Variants in ZNF280A observed in about 807,000 individuals in gnomAD.
The protein encoded by ZNF280A is suppressor of hairy wing homolog 1.
In ZNF280A, 26 loss-of-function variants were observed where a neutral mutation model predicts 35.9. That is an observed-to-expected ratio of 0.72 (90% CI 0.53 to 1.01). ZNF280A has a LOEUF of 1.01. Ranked by LOEUF, ZNF280A falls within the 50% of genes least tolerant of loss-of-function variation. The probability of loss-of-function intolerance (pLI) is 0.00; values close to 1 mark genes in which losing one functional copy is unlikely to be tolerated. For synonymous variants in ZNF280A, 231 were observed against 232.9 expected (o/e 0.99, Z 0.07); for missense variants, 654 against 652.0 (o/e 1.00, Z -0.03).
chr22:22,517,559 C>G (rs1272843392), intron 1 of ZNF280A, among the ~76,000 whole-genome samples: 1 of 151,854 alleles, frequency 6.6e-6, no homozygotes, highest in East Asian at 2.0e-4. Flanking sequence ...AAAGTTTTGT[C>G]AAATACTCTA....
At position 22,513,945 on chromosome 22, in the gene ZNF280A, T is replaced by C; in HGVS notation, c.*57A>G. ...CTAGCATCTACAGCCACAATGCACA[T>C]ATGGCCTAGCCTCACTTCTGCCTTT... On this transcript the variant is annotated 3_prime_UTR_variant, in exon 2 of 2. Coordinates refer to ENST00000302097, the MANE Select transcript of ZNF280A (RefSeq NM_080740.5). 3 of 995,646 alleles carry C rather than the reference T, an allele frequency of 3.0e-6. No homozygotes were observed. The highest frequency in any genetic ancestry group is 2.4e-5 in the East Asian group (1 of 41,816). The allele number at this position is 995,646 out of a possible 1,614,324, so 61.7% of individuals were successfully genotyped here.
intron 1 of ZNF280A, among the ~76,000 whole-genome samples, chr22:22,516,197 C>T (rs1042254196): frequency 6.6e-6 from 1 of 151,792 alleles, no homozygotes; most frequent in African/African-American, 2.4e-5. Flanking sequence ...AAGAGGAACA[C>T]TTGAGCCCAG....
At chr22:22,520,015 G>A (rs1569197967) in intron 1 of ZNF280A, 74 bp downstream of exon 1, 1 of 152,022 alleles carries the variant, frequency 6.6e-6, no homozygotes, top group Non-Finnish European at 1.5e-5. Context: ...TTGCCATCTA[G>A]TCTTTCACAG....
At position 22,514,877 on chromosome 22, in the gene ZNF280A, T is replaced by C. The variant is rs764079539; in HGVS notation, c.754A>G (p.Met252Val). 1.7e-5 allele frequency: 28 copies of C among 1,613,664 alleles called. No individual in the cohort carries two copies. Among genetic ancestry groups the C allele is most frequent in the Non-Finnish European group, 1.7e-6 (2 of 1,179,910 alleles). The part of the protein sequence containing the change: ...PERASESALA[M>V]TDISSLASQN... ...CTTGCTAGACTTGAAATGTCTGTCA[T>C]TGCCAGGGCAGACTCACTTGCTCTC... Residue 252 changes from methionine to valine, a missense_variant, in exon 2 of 2, where the codon ATG (methionine) becomes GTG (valine). Coordinates refer to ENST00000302097, the MANE Select transcript of ZNF280A (RefSeq NM_080740.5).
Position 22,515,719 on chromosome 22 carries a change from A to G in ZNF280A, c.-71-18T>C. The G allele has an allele frequency of 6.6e-7, 1 of 1,504,052 alleles. No individual in the cohort carries two copies. 93.2% of individuals were successfully genotyped at this position (1,504,052 alleles called of 1,614,324 possible). On this transcript the variant is annotated intron_variant, in intron 1 of 1. Coordinates refer to ENST00000302097, the MANE Select transcript of ZNF280A (RefSeq NM_080740.5). ...ATTGCCACCTAAGTGCAACCATGTG[A>G]CAATAGTCAATATTTATTTCGAAAG...
Position 22,514,219 on chromosome 22 carries a change from GTT to G in ZNF280A, c.1410_1411del (p.Lys470AsnfsTer8). On this transcript the variant is annotated frameshift_variant, in exon 2 of 2. Transcript: ENST00000302097. LOFTEE classifies it high-confidence loss of function. ...CTTTTTAAATGTTTGATGGTCCTTGGTTTTGTGCTCTATTTCCTCCTTCAACG... is the reference window on the plus strand; with the variant it reads ...CTTTTTAAATGTTTGATGGTCCTTGGTTGTGCTCTATTTCCTCCTTCAACG... 2.5e-6 allele frequency: 4 copies of G among 1,613,738 alleles called. No individual in the cohort carries two copies. The highest frequency in any genetic ancestry group is 3.4e-6 in the Non-Finnish European group (4 of 1,179,936).
At position 22,514,512 on chromosome 22, in the gene ZNF280A, A is replaced by C. The variant is rs557783348; in HGVS notation, c.1119T>G (p.Phe373Leu). Residue 373 changes from phenylalanine (F) to leucine (L), a missense_variant, in exon 2 of 2, where the codon TTT (phenylalanine) becomes TTG (leucine). Transcript: ENST00000302097. The part of the protein sequence containing the change: ...SAVCKICELS[F>L]ETDQVLLQHM... Reference sequence around the variant, plus strand: ...GTTGTAAGAGGACCTGATCTGTTTCAAATGACAATTCACAGATTTTACAGA... The same window carrying C: ...GTTGTAAGAGGACCTGATCTGTTTCCAATGACAATTCACAGATTTTACAGA... 1 of 1,613,952 alleles carries C rather than the reference A, an allele frequency of 6.2e-7. No homozygotes were observed. The highest frequency in any genetic ancestry group is 2.2e-5 in the East Asian group (1 of 44,794).
rs778145899 is a variant in ZNF280A at position 22,515,447 on chromosome 22, T to C, written c.184A>G (p.Ile62Val). Residue 62 changes from isoleucine (I) to valine (V), a missense_variant, in exon 2 of 2, where the codon ATT becomes GTT. Physicochemically the swap from Ile to Val is conservative, Grantham distance 29. Coordinates refer to ENST00000302097, the MANE Select transcript of ZNF280A (RefSeq NM_080740.5). ...ISNSKPVVSN[I>V]LNRVTPGSNS... ...GAGCCTGGGGTGACTCTGTTCAAAA[T>C]GTTTGAAACGACTGGTTTTGAATTT... The C allele has an allele frequency of 3.7e-6, 6 of 1,613,856 alleles. No individual in the cohort carries two copies. The Admixed American group carries it at 5.0e-5, about 13-fold the overall frequency.
chr22:22,519,952 G>A lies in ZNF280A; in HGVS notation c.-72+137C>T, dbSNP rs140439315. The A allele has an allele frequency of 2.6e-5, 4 of 152,116 alleles. No individual in the cohort carries two copies. In the East Asian group the frequency reaches 5.9e-4, roughly 22 times the overall value. The allele number at this position is 152,116 out of a possible 1,614,324, so 9.4% of individuals were successfully genotyped here. ...CTGAAAGCACAGAAAGGAATACCCT[G>A]GATAAGGGAAGACTACTGTAGTTGA... On this transcript the variant is annotated intron_variant, in intron 1 of 1. Coordinates refer to ENST00000302097, the MANE Select transcript of ZNF280A (RefSeq NM_080740.5).
intron 1 of ZNF280A, among the ~76,000 whole-genome samples, chr22:22,518,577 C>G (rs2062102134): frequency 6.6e-6 from 1 of 151,452 alleles, no homozygotes; most frequent in Non-Finnish European, 1.5e-5. Flanking sequence ...CACTTGAGCT[C>G]AGGAGTTCGA....
chr22:22,516,335 T>C lies in ZNF280A; in HGVS notation c.-71-634A>G, dbSNP rs143357833. On this transcript the variant is annotated intron_variant, in intron 1 of 1. Transcript: ENST00000302097. ...CACACACCCTTTGCTGTTCCTGTAA[T>C]GTTCCTTTTCTCAGTAAACTCAGTT... Among the ~76,000 whole-genome samples the C allele has an allele frequency of 6.0e-3, 856 of 142,212 alleles. 5 individuals are homozygous for C. Among genetic ancestry groups the C allele is most frequent in the African/African-American group, 0.022 (821 of 37,920 alleles). The allele number at this position is 142,212 out of a possible 152,430, so 93.3% of individuals were successfully genotyped here. A position where few individuals can be genotyped will look rare whatever the true frequency, so the allele number is the denominator to read the frequency against.
chr22:22,515,123 T>A lies in ZNF280A; in HGVS notation c.508A>T (p.Thr170Ser), dbSNP rs139798849. 54 of 1,613,890 alleles carry A rather than the reference T, an allele frequency of 3.3e-5. No individual in the cohort carries two copies. The African/African-American group carries it at 7.1e-4, about 21-fold the overall frequency. Residue 170 changes from threonine to serine, a missense_variant, in exon 2 of 2, where the codon ACT becomes TCT. Thr to Ser is a moderately conservative substitution (Grantham distance 58). Coordinates refer to ENST00000302097, the MANE Select transcript of ZNF280A (RefSeq NM_080740.5). ...GAATCTCTGCTGTTTATATCTGAAG[T>A]GGAAAGTCGCTTTGAATCAGGAGAA... ...ESSPDSKRLSTSDINSRDSKR... is the reference protein window; with the variant it reads ...ESSPDSKRLSSSDINSRDSKR...
In ZNF280A at chr22:22,515,655, C is replaced by G; in HGVS notation, c.-25G>C. 6.5e-7 allele frequency: 1 copy of G among 1,548,630 alleles called. No homozygotes were observed. Among genetic ancestry groups the G allele is most frequent in the Middle Eastern group, 1.7e-4 (1 of 5,720 alleles). On this transcript the variant is annotated 5_prime_UTR_variant, in exon 2 of 2. Coordinates refer to ENST00000302097, the MANE Select transcript of ZNF280A (RefSeq NM_080740.5). Reference sequence around the variant, plus strand: ...TTTTCAATTTACTTTTTGCTTGAAGCCACTGGTCTCTTCAACTTCCAGAGC... The same window carrying G: ...TTTTCAATTTACTTTTTGCTTGAAGGCACTGGTCTCTTCAACTTCCAGAGC...
rs765868433 is a variant in ZNF280A, at chr22:22,515,032, A to AT, written c.598dup (p.Met200AsnfsTer31). 1.2e-6 allele frequency: 2 copies of AT among 1,613,950 alleles called. No homozygotes were observed. The highest frequency in any genetic ancestry group is 3.3e-5 in the Admixed American group (2 of 60,004). ...TGTATTTGTGCTTATTGTAGAAGACATATCTGAAGGGACCACAGCTAAAGA... is the reference window on the plus strand; with the variant it reads ...TGTATTTGTGCTTATTGTAGAAGACATTATCTGAAGGGACCACAGCTAAAGA... On this transcript the variant is annotated frameshift_variant, in exon 2 of 2. Coordinates refer to ENST00000302097, the MANE Select transcript of ZNF280A (RefSeq NM_080740.5). LOFTEE classifies it high-confidence loss of function.
intron 1 of ZNF280A, among the ~76,000 whole-genome samples, chr22:22,518,515 G>A (rs576312594): frequency 9.9e-5 from 15 of 151,572 alleles, no homozygotes; most frequent in Non-Finnish European, 1.6e-4. Context: ...AGCGGGGCGC[G>A]GTGGCTCACG....
At chr22:22,518,220 C>T (rs113255756) in intron 1 of ZNF280A, among the ~76,000 whole-genome samples, 40 of 151,762 alleles carry the variant, frequency 2.6e-4, no homozygotes, top group African/African-American at 8.0e-4. Flanking sequence ...CCACTGTGCC[C>T]GGCCAATTGA....
In ZNF280A at chr22:22,513,799, A is replaced by C; in HGVS notation, c.*203T>G. On this transcript the variant is annotated 3_prime_UTR_variant, in exon 2 of 2. Transcript: ENST00000302097. ...AAAACCTCTGAGGTCAGAATAAGGGATGCCCTGTTGGGAGCATTTGACTGG... is the reference window on the plus strand; with the variant it reads ...AAAACCTCTGAGGTCAGAATAAGGGCTGCCCTGTTGGGAGCATTTGACTGG... The C allele has an allele frequency of 1.9e-6, 1 of 515,586 alleles. No homozygotes were observed. Among genetic ancestry groups the C allele is most frequent in the African/African-American group, 2.0e-5 (1 of 51,212 alleles). The allele number at this position is 515,586 out of a possible 1,614,324, so 31.9% of individuals were successfully genotyped here. A position where few individuals can be genotyped will look rare whatever the true frequency, so the allele number is the denominator to read the frequency against.
Position 22,515,144 on chromosome 22 carries a change from G to C in ZNF280A, c.487C>G (p.Pro163Ala). Residue 163 changes from proline to alanine, a missense_variant, in exon 2 of 2, where the codon CCT becomes GCT. Coordinates refer to ENST00000302097, the MANE Select transcript of ZNF280A (RefSeq NM_080740.5). Reference protein sequence around the residue: ...VSGGGRNESSPDSKRLSTSDI... With the variant: ...VSGGGRNESSADSKRLSTSDI... Reference sequence around the variant, plus strand: ...GAAGTGGAAAGTCGCTTTGAATCAGGAGAACTCTCATTTCTGCCTCCTCCA... The same window carrying C: ...GAAGTGGAAAGTCGCTTTGAATCAGCAGAACTCTCATTTCTGCCTCCTCCA... 6.2e-7 allele frequency: 1 copy of C among 1,613,892 alleles called. No individual in the cohort carries two copies. The highest frequency in any genetic ancestry group is 8.5e-7 in the Non-Finnish European group (1 of 1,179,974).
Position 22,514,971 on chromosome 22 carries a change from A to G in ZNF280A, c.660T>C (p.Val220=). The G allele has an allele frequency of 1.2e-6, 2 of 1,613,894 alleles. No individual in the cohort carries two copies. Among genetic ancestry groups the G allele is most frequent in the Non-Finnish European group, 1.7e-6 (2 of 1,179,972 alleles). Residue 220 remains valine, a synonymous_variant, in exon 2 of 2, where the codon GTT becomes GTC. Coordinates refer to ENST00000302097, the MANE Select transcript of ZNF280A (RefSeq NM_080740.5). The part of the protein sequence containing the change: ...SQGICNSSNH[V]QNGVTFPWPD... ...GCCAAGGAAATGTTACTCCATTCTG[A>G]ACATGGTTTGATGAGTTGCAGATCC...
Sources: gnomAD v4.1 joint callset for allele counts (sites outside exome capture counted in the v4.1 genomes callset) on GRCh38, gnomAD v4.1.1 for gene constraint, MANE v1.5 for transcripts, NCBI Gene and HGNC (gene_info 2026-07-23, HGNC 2026-07-21) for gene names.